Variants in ZBBX observed in about 807,000 individuals in gnomAD.
ZBBX encodes zinc finger B-box domain-containing protein 1.
A neutral mutation model predicts 108.5 loss-of-function variants in ZBBX; 101 were observed. The observed-to-expected ratio is 0.93, with a 90% CI of 0.79 to 1.10. The LOEUF is 1.10. Ranked by LOEUF, ZBBX falls within the 50% of genes least tolerant of loss-of-function variation. ZBBX has a pLI of 0.00. For missense variants in ZBBX, 1,009 were observed against 941.4 expected, an observed-to-expected ratio of 1.07 and a Z score of -0.94; for synonymous variants, 356 against 323.4, an observed-to-expected ratio of 1.10 and a Z score of -1.08.
chr3:167,288,835 A>G (rs1730165647), intron 19 of ZBBX, 32 bp downstream of exon 19: 1 of 1,460,718 alleles, frequency 6.8e-7, no homozygotes, highest in Non-Finnish European at 9.3e-7. Context: ...TAAGCTGCCA[A>G]CATGGCACTG....
At chr3:167,359,777 G>A in intron 8 of ZBBX, 93 bp downstream of exon 8, 1 of 506,816 alleles carries the variant, frequency 2.0e-6, no homozygotes, top group Non-Finnish European at 3.2e-6. Flanking sequence ...AGTTAAGTTG[G>A]GAGAGGTGTA....
At chr3:167,252,150 T>TTC in intron 20 of ZBBX, 2 of 1,289,562 alleles carry the variant, frequency 1.6e-6, no homozygotes, top group Non-Finnish European at 2.0e-6. Flanking sequence ...TTCTGTCTTA[T>TTC]TCTCCCAGCT....
At chr3:167,274,998 C>T (rs1459756943) in intron 20 of ZBBX, among the ~76,000 whole-genome samples, 5 of 152,032 alleles carry the variant, frequency 3.3e-5, no homozygotes, top group East Asian at 1.9e-4. Flanking sequence ...GTTTCTTTTG[C>T]GGCATCGGAA....
chr3:167,204,186 T>A, the ZBBX span, among the ~76,000 whole-genome samples: 1 of 136,706 alleles, frequency 7.3e-6, no homozygotes, highest in Non-Finnish European at 1.5e-5. Flanking sequence ...GAAAAATCAA[T>A]TTTCTTTTTT....
At chr3:167,321,254 T>C (rs1736395798) in intron 12 of ZBBX, among the ~76,000 whole-genome samples, 1 of 151,976 alleles carries the variant, frequency 6.6e-6, no homozygotes. Context: ...TATTAACCTA[T>C]CTAGCAGAGG....
intron 20 of ZBBX, among the ~76,000 whole-genome samples, chr3:167,273,595 G>T (rs145445719): frequency 0.014 from 2,122 of 152,180 alleles, 25 homozygotes; most frequent in South Asian, 0.026. Flanking sequence ...AGCCTTTGCA[G>T]GAGCTTACCC....
intron 9 of ZBBX, among the ~76,000 whole-genome samples, chr3:167,340,712 G>A (rs1001552562): frequency 6.6e-6 from 1 of 151,814 alleles, no homozygotes; most frequent in East Asian, 1.9e-4. Context: ...AAAGGGTTGG[G>A]GGGTGCAGGG....
intron 20 of ZBBX, among the ~76,000 whole-genome samples, chr3:167,268,232 G>A (rs1576825338): frequency 6.6e-6 from 1 of 151,820 alleles, no homozygotes; most frequent in East Asian, 1.9e-4. Flanking sequence ...ATTATTAGAT[G>A]ACCCTTATGG....
chr3:167,187,330 T>C, the ZBBX span, among the ~76,000 whole-genome samples: 3 of 152,302 alleles, frequency 2.0e-5, no homozygotes, highest in Admixed American at 6.5e-5. Context: ...AGAATTTTAC[T>C]ATGCAAAATC....
In ZBBX at chr3:167,289,134, C is replaced by T. The variant is rs566110723; in HGVS notation, c.1880-151G>A. 2.6e-5 allele frequency among the ~76,000 whole-genome samples: 4 copies of T among 151,780 alleles called. 1 individual carries two copies. The South Asian group carries it at 8.3e-4, about 32-fold the overall frequency. On this transcript the variant is annotated intron_variant, in intron 18 of 21. Coordinates refer to ENST00000675490, the MANE Select transcript of ZBBX (RefSeq NM_001199201.2). ...TATTATGAAATACAAAATCTTATTACAAAATAAAAATCATTAAATTAATAT... is the reference window on the plus strand; with the variant it reads ...TATTATGAAATACAAAATCTTATTATAAAATAAAAATCATTAAATTAATAT...
chr3:167,328,176 T>G, intron 10 of ZBBX, 60 bp from the exon 11 acceptor site: 1 of 1,510,046 alleles, frequency 6.6e-7, no homozygotes, highest in South Asian at 1.3e-5. Flanking sequence ...CCACAAAAAT[T>G]GTTTTAATAA....
the ZBBX span, among the ~76,000 whole-genome samples, chr3:167,202,289 T>G: frequency 6.6e-6 from 1 of 152,180 alleles, no homozygotes; most frequent in Non-Finnish European, 1.5e-5. Context: ...GGCAGAGTAC[T>G]GAGCCACTGT....
At chr3:167,242,736 A>T in intron 20 of ZBBX, 93 bp from the exon 21 acceptor site, 2 of 1,120,234 alleles carry the variant, frequency 1.8e-6, no homozygotes, top group Non-Finnish European at 2.4e-6. Flanking sequence ...AGTAAATTAC[A>T]GGCAATACAA....
intron 9 of ZBBX, among the ~76,000 whole-genome samples, chr3:167,338,541 C>CA (rs11438860): frequency 0.81 from 120,155 of 148,388 alleles, 48,464 homozygotes; most frequent in East Asian, 0.94. Context: ...AGTTCCAGAT[C>CA]AAAAAAAAAA....
rs144942604 is a variant in ZBBX, at chr3:167,297,374, T to C, written c.1879+931A>G. Reference sequence around the variant, plus strand: ...ATGAATCTGGACCTTTGATACCATGTACAAAAATAAACTCAAATCGATCAA... The same window carrying C: ...ATGAATCTGGACCTTTGATACCATGCACAAAAATAAACTCAAATCGATCAA... On this transcript the variant is annotated intron_variant, in intron 18 of 21. Transcript: ENST00000675490. Among the ~76,000 whole-genome samples, 895 of 152,128 alleles carry C rather than the reference T, an allele frequency of 5.9e-3. 8 individuals are homozygous for C. Among genetic ancestry groups the C allele is most frequent in the Non-Finnish European group, 0.011 (723 of 67,908 alleles).
intron 10 of ZBBX, among the ~76,000 whole-genome samples, chr3:167,330,683 G>A (rs1480722307): frequency 6.6e-6 from 1 of 151,616 alleles, no homozygotes; most frequent in Non-Finnish European, 1.5e-5. Context: ...TTTGAGCATG[G>A]GAGGAGGTTG....
rs762503054 is a variant in ZBBX, at chr3:167,365,886, C to A, written c.273G>T (p.Lys91Asn). ...TAAGAATCAAATAGTATCTTCTTAC[C>A]TTAACAACATTTCCTTTATTTTGTG... ...MMSQNKGNVV[K>N]FSAGKVKLKL... is the part of the protein sequence containing the mutation. Residue 91 changes from lysine (K) to asparagine (N), a missense_variant and splice_region_variant, in exon 6 of 22, where the codon AAG becomes AAT. Physicochemically the swap from Lys to Asn is moderately conservative, Grantham distance 94 (BLOSUM62 0). Transcript: ENST00000675490. 1.2e-5 allele frequency: 20 copies of A among 1,601,926 alleles called. No individual in the cohort carries two copies. The Admixed American group carries it at 2.4e-4, about 19-fold the overall frequency.
At chr3:167,275,004 C>T (rs768010803) in intron 20 of ZBBX, among the ~76,000 whole-genome samples, 1 of 152,056 alleles carries the variant, frequency 6.6e-6, no homozygotes, top group African/African-American at 2.4e-5. Flanking sequence ...TTTGCGGCAT[C>T]GGAAATTCAT....
intron 15 of ZBBX, among the ~76,000 whole-genome samples, chr3:167,314,912 G>A (rs1332493466): frequency 6.6e-6 from 1 of 152,178 alleles, no homozygotes; most frequent in Non-Finnish European, 1.5e-5. Context: ...TAGAGATAGA[G>A]TGGTGCATAT....
Sources: allele counts gnomAD v4.1 joint callset (sites outside exome capture counted in the v4.1 genomes callset), GRCh38; gene constraint gnomAD v4.1.1; transcripts MANE v1.5; gene names NCBI Gene and HGNC (gene_info 2026-07-23, HGNC 2026-07-21).